ANO3: variants seen among roughly 807,000 people sequenced by gnomAD.
The protein encoded by ANO3 is anoctamin-3.
ANO3 carries 99 observed loss-of-function variants against 144.8 expected under a neutral mutation model. That is an observed-to-expected ratio of 0.68 (90% CI 0.58 to 0.81). The LOEUF is 0.81. Among genes scored for constraint, ANO3 ranks in the 30% least tolerant of loss-of-function variants. ANO3 has a pLI of 0.00. For missense variants in ANO3, 905 were observed against 1,202.2 expected (o/e 0.75, Z 3.66); for synonymous variants, 414 against 392.6 (o/e 1.05, Z -0.64).
At chr11:26,596,081 C>G (rs760709981) in intron 14 of ANO3, among the ~76,000 whole-genome samples, 2 of 152,140 alleles carry the variant, frequency 1.3e-5, no homozygotes, top group Non-Finnish European at 2.9e-5. Flanking sequence ...TATAGGGTCA[C>G]GGAGAAGACC....
intron 1 of ANO3, among the ~76,000 whole-genome samples, chr11:26,439,660 A>T (rs942871619): frequency 1.3e-5 from 2 of 152,232 alleles, no homozygotes; most frequent in Admixed American, 1.3e-4. Context: ...TTTAACTCCG[A>T]AAAGTCTGGG....
At chr11:26,585,136 A>C (rs570299684) in intron 14 of ANO3, among the ~76,000 whole-genome samples, 51 of 152,306 alleles carry the variant, frequency 3.3e-4, no homozygotes, top group African/African-American at 1.2e-3. Context: ...CAAAGAAAGG[A>C]GCTGATAAAC....
Position 26,457,534 on chromosome 11 carries a change from A to G in ANO3, c.314-5496A>G, listed in dbSNP as rs555088056. On this transcript the variant is annotated intron_variant, in intron 3 of 26. Coordinates refer to ENST00000256737, the MANE Select transcript of ANO3 (RefSeq NM_031418.4). ...AATGCAAACAAAAGGAAGAAAATATATATTTATGTGTTTGAGTAACTGTGT... is the reference window on the plus strand; with the variant it reads ...AATGCAAACAAAAGGAAGAAAATATGTATTTATGTGTTTGAGTAACTGTGT... Among the ~76,000 whole-genome samples, 3 of 152,196 alleles carry G rather than the reference A, an allele frequency of 2.0e-5. No homozygotes were observed. In the East Asian group the frequency reaches 5.8e-4, roughly 29 times the overall value.
Position 26,559,559 on chromosome 11 carries a change from G to C in ANO3, c.1387-160G>C, listed in dbSNP as rs1850199546. ...CCCATGAGAAAAATCATGTGAAATT[G>C]TTGCAAGACCCATGAAAGGAATTCA... On this transcript the variant is annotated intron_variant, in intron 13 of 26. Coordinates refer to ENST00000256737, the MANE Select transcript of ANO3 (RefSeq NM_031418.4). The C allele has an allele frequency of 5.1e-6, 3 of 584,536 alleles. No individual in the cohort carries two copies. In the East Asian group the frequency reaches 8.6e-5, roughly 17 times the overall value. The allele number at this position is 584,536 out of a possible 1,614,324, so 36.2% of individuals were successfully genotyped here. A position where few individuals can be genotyped will look rare whatever the true frequency, so the allele number is the denominator to read the frequency against.
intron 17 of ANO3, among the ~76,000 whole-genome samples, chr11:26,607,246 C>CTTAATAT (rs1218689869): frequency 6.6e-6 from 1 of 151,980 alleles, no homozygotes; most frequent in Non-Finnish European, 1.5e-5. Flanking sequence ...CATGACTTCC[C>CTTAATAT]TTAATATTTT....
intron 1 of ANO3, among the ~76,000 whole-genome samples, chr11:26,238,815 A>G (rs1015451841): frequency 6.6e-6 from 1 of 152,024 alleles, no homozygotes; most frequent in African/African-American, 2.4e-5. Flanking sequence ...GTTGCCTAAT[A>G]ATTCATTATA....
chr11:26,465,796 A>T (rs1344618307), intron 4 of ANO3, among the ~76,000 whole-genome samples: 1 of 151,938 alleles, frequency 6.6e-6, no homozygotes, highest in Non-Finnish European at 1.5e-5. Flanking sequence ...TTTATCAATC[A>T]TTGTGCAAAC....
intron 14 of ANO3, among the ~76,000 whole-genome samples, chr11:26,574,648 G>C (rs1408644955): frequency 6.6e-6 from 1 of 151,912 alleles, no homozygotes; most frequent in Non-Finnish European, 1.5e-5. Flanking sequence ...AATGTATTTG[G>C]GGATAACATT....
chr11:26,255,032 G>C (rs766498927), intron 1 of ANO3, among the ~76,000 whole-genome samples: 1 of 152,106 alleles, frequency 6.6e-6, no homozygotes, highest in African/African-American at 2.4e-5. Flanking sequence ...GGTCCATTCA[G>C]TTGTTTCTCT....
intron 1 of ANO3, among the ~76,000 whole-genome samples, chr11:26,216,851 A>T (rs998216800): frequency 1.7e-4 from 26 of 151,994 alleles, no homozygotes; most frequent in African/African-American, 6.0e-4. Flanking sequence ...TTGATTTGCC[A>T]TCTGATCTTC....
In ANO3 at chr11:26,616,764, G is replaced by A. The variant is rs546953250; in HGVS notation, c.1837-7698G>A. On this transcript the variant is annotated intron_variant, in intron 17 of 26. Transcript: ENST00000256737. ...CCCTCAAACATTTTCTTACAAAATT[G>A]TTCTTTTTTATTATTTTTATTTTTT... 4.6e-5 allele frequency among the ~76,000 whole-genome samples: 7 copies of A among 152,100 alleles called. No individual in the cohort carries two copies. In the South Asian group the frequency reaches 6.2e-4, roughly 14 times the overall value.
At chr11:26,593,827 G>A (rs1344987431) in intron 14 of ANO3, among the ~76,000 whole-genome samples, 1 of 152,138 alleles carries the variant, frequency 6.6e-6, no homozygotes, top group Non-Finnish European at 1.5e-5. Context: ...TCCGCTTGCC[G>A]AGGGCCATGA....
At chr11:26,629,200 A>G (rs547046594) in intron 18 of ANO3, among the ~76,000 whole-genome samples, 3 of 152,232 alleles carry the variant, frequency 2.0e-5, no homozygotes, top group South Asian at 2.1e-4. Flanking sequence ...AAGCAACTGA[A>G]TAGCACTCAG....
chr11:26,355,564 TTC>T lies in ANO3; in HGVS notation c.46+23245_46+23246del, dbSNP rs1267134613. ...TCCTGAAATTTCTTTCTTTCTTTCT[TTC>T]TTTTTTTTTTGAGATGAAGTTTCAC... On this transcript the variant is annotated intron_variant, in intron 1 of 26. Coordinates refer to ENST00000256737, the MANE Select transcript of ANO3 (RefSeq NM_031418.4). Among the ~76,000 whole-genome samples, 10 of 150,040 alleles carry T rather than the reference TTC, an allele frequency of 6.7e-5. 1 individual carries two copies. The South Asian group carries it at 1.1e-3, about 16-fold the overall frequency.
At chr11:26,579,304 G>A (rs536015824) in intron 14 of ANO3, among the ~76,000 whole-genome samples, 1 of 152,134 alleles carries the variant, frequency 6.6e-6, no homozygotes, top group African/African-American at 2.4e-5. Context: ...TCTCACCAAC[G>A]AGCCATAACT....
chr11:26,339,125 C>T (rs1564972152), intron 1 of ANO3, among the ~76,000 whole-genome samples: 1 of 151,794 alleles, frequency 6.6e-6, no homozygotes, highest in Admixed American at 6.6e-5. Flanking sequence ...AGGGTTTGAA[C>T]GCAGCCCTCC....
At chr11:26,538,350 T>C (rs1200619857) in intron 10 of ANO3, among the ~76,000 whole-genome samples, 6 of 152,196 alleles carry the variant, frequency 3.9e-5, no homozygotes, top group African/African-American at 1.4e-4. Flanking sequence ...CATTATGGTA[T>C]ACATACTTAT....
At position 26,191,435 on chromosome 11, in the gene ANO3, A is replaced by T. The variant is rs187862053; in HGVS notation, c.154+2105A>T. Among the ~76,000 whole-genome samples the T allele has an allele frequency of 2.0e-5, 3 of 152,228 alleles. 1 individual carries two copies. The highest frequency in any genetic ancestry group is 2.0e-4 in the Admixed American group (3 of 15,284). ...GCTCTCTTCATTTCCCTCAATGCAGACACCTGTATCGACTCCTAACTGATC... is the reference window on the plus strand; with the variant it reads ...GCTCTCTTCATTTCCCTCAATGCAGTCACCTGTATCGACTCCTAACTGATC... On this transcript the variant is annotated intron_variant, in intron 1 of 27. Transcript: ENST00000672621.
At chr11:26,251,693 C>G (rs1852931479) in intron 1 of ANO3, among the ~76,000 whole-genome samples, 2 of 152,226 alleles carry the variant, frequency 1.3e-5, no homozygotes, top group South Asian at 4.2e-4. Context: ...TTCTGCATGG[C>G]TGGGGAGGCC....
Sources: gnomAD v4.1 joint callset for allele counts (sites outside exome capture counted in the v4.1 genomes callset) on GRCh38, gnomAD v4.1.1 for gene constraint, MANE v1.5 for transcripts, NCBI Gene and HGNC (gene_info 2026-07-23, HGNC 2026-07-21) for gene names.